The following CSMD1 variants were observed in gnomAD, a reference collection of about 807,000 sequenced individuals.
The protein encoded by CSMD1 is CUB and Sushi multiple domains 1.
CSMD1 carries 213 observed loss-of-function variants against 417.5 expected under a neutral mutation model. The ratio of observed to expected loss-of-function variants is 0.51; its 90% CI spans 0.46 to 0.57. The LOEUF (loss-of-function observed/expected upper bound fraction) is 0.57. Ranked by LOEUF, CSMD1 falls within the 20% of genes least tolerant of loss-of-function variation. The pLI, the probability that CSMD1 is intolerant of heterozygous loss-of-function variation, is 0.00. For missense variants in CSMD1, 6,923 were observed against 4,529.7 expected (o/e 1.53, Z -15.17); for synonymous variants, 2,862 against 1,736.8 (o/e 1.65, Z -16.11).
intron 10 of CSMD1, among the ~76,000 whole-genome samples, chr8:3,499,774 G>C (rs1185326323): frequency 2.6e-5 from 4 of 151,974 alleles, no homozygotes; most frequent in Non-Finnish European, 5.9e-5. Flanking sequence ...CCTTCTCCTT[G>C]GCTGTGGTGG....
At position 4,959,975 on chromosome 8, in the gene CSMD1, G is replaced by C. The variant is rs140348252; in HGVS notation, c.85+34357C>G. Among the ~76,000 whole-genome samples the C allele has an allele frequency of 2.3e-3, 347 of 152,176 alleles. 2 individuals carry two copies. Among genetic ancestry groups the C allele is most frequent in the African/African-American group, 7.7e-3 (319 of 41,524 alleles). On this transcript the variant is annotated intron_variant, in intron 1 of 69. Transcript: ENST00000635120. ...CCTTAAAAATAGGAAAATGTATTTT[G>C]TTACTGACTTATGGTTTCTCTTTGC...
chr8:3,911,286 C>G (rs569455441), intron 5 of CSMD1, among the ~76,000 whole-genome samples: 2 of 151,944 alleles, frequency 1.3e-5, no homozygotes, highest in African/African-American at 4.8e-5. Context: ...ACTGAAGTCT[C>G]TATAATCATA....
intron 3 of CSMD1, among the ~76,000 whole-genome samples, chr8:4,386,737 C>T (rs1251349459): frequency 6.6e-6 from 1 of 152,104 alleles, no homozygotes; most frequent in Admixed American, 6.5e-5. Flanking sequence ...CAGAGAAGTG[C>T]TAATGATGAC....
intron 2 of CSMD1, among the ~76,000 whole-genome samples, chr8:4,580,289 A>C (rs1026996054): frequency 6.6e-6 from 1 of 152,160 alleles, no homozygotes; most frequent in Non-Finnish European, 1.5e-5. Context: ...AGGTGTCTCC[A>C]TGCTCATTAA....
intron 1 of CSMD1, among the ~76,000 whole-genome samples, chr8:4,756,309 T>A (rs1811663982): frequency 6.6e-6 from 1 of 152,148 alleles, no homozygotes; most frequent in African/African-American, 2.4e-5. Flanking sequence ...TTTTAAATAT[T>A]GAAGATTTCC....
chr8:4,118,717 T>A (rs7826233), intron 3 of CSMD1, among the ~76,000 whole-genome samples: 3 of 152,196 alleles, frequency 2.0e-5, no homozygotes, highest in African/African-American at 7.2e-5. Flanking sequence ...AGAAATACCA[T>A]TTGACCCAGC....
chr8:3,782,750 A>T (rs1584990547), intron 5 of CSMD1, among the ~76,000 whole-genome samples: 1 of 152,374 alleles, frequency 6.6e-6, no homozygotes, highest in African/African-American at 2.4e-5. Flanking sequence ...AATTATAAGA[A>T]CAGTATGAAT....
intron 1 of CSMD1, among the ~76,000 whole-genome samples, chr8:4,967,189 T>A (rs1809925689): frequency 6.6e-6 from 1 of 152,190 alleles, no homozygotes; most frequent in Admixed American, 6.5e-5. Context: ...GAGCTGTTAC[T>A]TCTCATTTGT....
In CSMD1 at chr8:3,287,520, C is replaced by T. The variant is rs544729498; in HGVS notation, c.3951-3174G>A. On this transcript the variant is annotated intron_variant, in intron 25 of 69. Coordinates refer to ENST00000635120, the MANE Select transcript of CSMD1 (RefSeq NM_033225.6). ...TTCTCCCTGAAGAGGTCCTTCACAT[C>T]CCTTGTAAGTTGGATTCCTAGGTAT... Among the ~76,000 whole-genome samples, 305 of 152,218 alleles carry T rather than the reference C, an allele frequency of 2.0e-3. 2 individuals are homozygous for T. Among genetic ancestry groups the T allele is most frequent in the African/African-American group, 6.8e-3 (283 of 41,516 alleles).
At chr8:3,844,496 T>A (rs1330792474) in intron 5 of CSMD1, among the ~76,000 whole-genome samples, 2 of 152,194 alleles carry the variant, frequency 1.3e-5, no homozygotes, top group Non-Finnish European at 2.9e-5. Flanking sequence ...TCTTTGGTAA[T>A]GTGACTAACC....
rs1459462530 is a variant in CSMD1 at position 3,933,074 on chromosome 8, A to C, written c.818+64829T>G. Among the ~76,000 whole-genome samples the C allele has an allele frequency of 1.3e-5, 2 of 150,050 alleles. 1 individual carries two copies. Among genetic ancestry groups the C allele is most frequent in the Non-Finnish European group, 3.0e-5 (2 of 67,394 alleles). On this transcript the variant is annotated intron_variant, in intron 5 of 69. Coordinates refer to ENST00000635120, the MANE Select transcript of CSMD1 (RefSeq NM_033225.6). ...TGTGGCAAATTATCTCATTAAAAAAAAACAAAAGAAACAACATTATTTTCC... is the reference window on the plus strand; with the variant it reads ...TGTGGCAAATTATCTCATTAAAAAACAACAAAAGAAACAACATTATTTTCC...
At chr8:3,661,150 G>A (rs1043657776) in intron 7 of CSMD1, among the ~76,000 whole-genome samples, 2 of 152,126 alleles carry the variant, frequency 1.3e-5, no homozygotes, top group African/African-American at 4.8e-5. Flanking sequence ...CCGTACTTTC[G>A]TATATGACTC....
intron 5 of CSMD1, among the ~76,000 whole-genome samples, chr8:3,923,263 A>C (rs980770052): frequency 6.6e-6 from 1 of 152,018 alleles, no homozygotes; most frequent in Non-Finnish European, 1.5e-5. Context: ...TGGTGAGTGG[A>C]GTGTCTGACT....
rs775418337 is a variant in CSMD1, at chr8:2,950,334, T to C, written c.10211A>G (p.Lys3404Arg). ...CAGGAGTAAGTGGGCCTCCTCCTTC[T>C]TGTAAATGCCTGTGAAAAGATCAGC... ...PVELKLTGIYKKEEAHLLLKA... is the reference protein window; with the variant it reads ...PVELKLTGIYRKEEAHLLLKA... The change falls in exon 67 of 70, where the codon AAG becomes AGG. Residue 3404 changes from lysine to arginine, a missense_variant. By Grantham distance (26) the Lys-to-Arg change is conservative. Coordinates refer to ENST00000635120, the MANE Select transcript of CSMD1 (RefSeq NM_033225.6). 3.1e-6 allele frequency: 5 copies of C among 1,606,332 alleles called. No individual in the cohort carries two copies. In the Admixed American group the frequency reaches 5.0e-5, roughly 16 times the overall value.
intron 1 of CSMD1, among the ~76,000 whole-genome samples, chr8:4,795,789 G>A (rs764008080): frequency 6.6e-6 from 1 of 152,044 alleles, no homozygotes; most frequent in Non-Finnish European, 1.5e-5. Flanking sequence ...TACTCTGAGT[G>A]CAATTCATAA....
At chr8:4,081,661 C>G (rs1800140882) in intron 3 of CSMD1, among the ~76,000 whole-genome samples, 1 of 152,152 alleles carries the variant, frequency 6.6e-6, no homozygotes, top group African/African-American at 2.4e-5. Context: ...CTATGCTACA[C>G]AATGCAACAA....
chr8:4,897,981 GCTA>G (rs1166573808), intron 1 of CSMD1, among the ~76,000 whole-genome samples: 1 of 152,004 alleles, frequency 6.6e-6, no homozygotes, highest in Non-Finnish European at 1.5e-5. Flanking sequence ...ATTATCCCGG[GCTA>G]CTTTCTTTTA....
chr8:3,366,447 A>G (rs1339726983), intron 20 of CSMD1, among the ~76,000 whole-genome samples: 1 of 152,198 alleles, frequency 6.6e-6, no homozygotes, highest in African/African-American at 2.4e-5. Flanking sequence ...CATACAAATA[A>G]TTTCTGCTGT....
intron 26 of CSMD1, among the ~76,000 whole-genome samples, chr8:3,261,874 G>T (rs1157061177): frequency 6.6e-6 from 1 of 152,068 alleles, no homozygotes; most frequent in Admixed American, 6.6e-5. Flanking sequence ...AATGGGTACG[G>T]CTATCAAAGA....
Sources: allele counts gnomAD v4.1 joint callset (sites outside exome capture counted in the v4.1 genomes callset), GRCh38; gene constraint gnomAD v4.1.1; transcripts MANE v1.5; gene names NCBI Gene and HGNC (gene_info 2026-07-23, HGNC 2026-07-21).